The following C5orf58 variants were observed in gnomAD, a reference collection of about 807,000 sequenced individuals.
The protein encoded by C5orf58 is chromosome 5 open reading frame 58.
C5orf58 carries 2 observed loss-of-function variants against 2.9 expected under a neutral mutation model. The ratio of observed to expected loss-of-function variants is 0.69; its 90% CI spans 0.28 to 2.18. The LOEUF is 2.18. Ranked by LOEUF, C5orf58 falls within the 30% of genes most tolerant of loss-of-function variation. C5orf58 has a pLI of 0.13. For synonymous variants in C5orf58, 37 were observed against 33.4 expected, an observed-to-expected ratio of 1.11 and a Z score of -0.37; for missense variants, 96 against 91.7, an observed-to-expected ratio of 1.05 and a Z score of -0.19.
rs1018915263 is a variant in C5orf58 at position 170,246,043 on chromosome 5, G to A, written c.176G>A (p.Arg59Lys). 27 of 1,613,558 alleles carry A rather than the reference G, an allele frequency of 1.7e-5. No individual in the cohort carries two copies. Among genetic ancestry groups the A allele is most frequent in the Non-Finnish European group, 2.3e-5 (27 of 1,179,694 alleles). ...ACTGAGAACTTAGCAGAAGCAGAAAGAAACAACCCCCTCTTTGAAGAGTCT... is the reference window on the plus strand; with the variant it reads ...ACTGAGAACTTAGCAGAAGCAGAAAAAAACAACCCCCTCTTTGAAGAGTCT... ...IKTENLAEAERNNPLFEESKI... is the reference protein window; with the variant it reads ...IKTENLAEAEKNNPLFEESKI... The change falls in exon 4 of 4, where the codon AGA (arginine) becomes AAA (lysine). Residue 59 changes from arginine to lysine, a missense_variant. Transcript: ENST00000593851.
At chr5:170,235,301 T>G (rs1006436648) in intron 3 of C5orf58, among the ~76,000 whole-genome samples, 3 of 152,170 alleles carry the variant, frequency 2.0e-5, no homozygotes, top group Non-Finnish European at 4.4e-5. Flanking sequence ...GCTTATCAGG[T>G]TGTCTAACCT....
At chr5:170,247,043 T>C (rs1304579282), downstream of C5orf58, 1 of 152,166 alleles carries the variant, frequency 6.6e-6, no homozygotes, top group Non-Finnish European at 1.5e-5. Flanking sequence ...GGTCCTTCAT[T>C]TTAGATATTT....
downstream of C5orf58, among the ~76,000 whole-genome samples, chr5:170,249,261 G>T (rs937935105): frequency 5.3e-5 from 8 of 151,730 alleles, no homozygotes; most frequent in Non-Finnish European, 8.8e-5. Context: ...GGAGGCAGAG[G>T]TTGCAGTGAG....
chr5:170,247,584 G>C (rs1761326985), downstream of C5orf58: 1 of 152,208 alleles, frequency 6.6e-6, no homozygotes, highest in South Asian at 2.1e-4. Flanking sequence ...CTGAATACCA[G>C]TTTTTTAATC....
At chr5:170,248,639 T>C (rs974758005), downstream of C5orf58, 3 of 1,600,868 alleles carry the variant, frequency 1.9e-6, no homozygotes, top group Non-Finnish European at 8.5e-7. Context: ...CCAAGGCTGA[T>C]TGATCTCGTG....
At chr5:170,240,429 C>T (rs1408550713) in intron 3 of C5orf58, among the ~76,000 whole-genome samples, 1 of 150,110 alleles carries the variant, frequency 6.7e-6, no homozygotes, top group Non-Finnish European at 1.5e-5. Flanking sequence ...ACATCCTCTC[C>T]AGCACCTGTT....
chr5:170,233,036 A>T (rs771870288), intron 1 of C5orf58, 29 bp downstream of exon 1: 1 of 938,170 alleles, frequency 1.1e-6, no homozygotes, highest in Non-Finnish European at 1.3e-6. Flanking sequence ...TCGGTCTTGA[A>T]GGATCCTAAT....
chr5:170,234,045 C>T (rs2113079444), intron 1 of C5orf58, 70 bp from the exon 2 acceptor site: 4 of 883,544 alleles, frequency 4.5e-6, no homozygotes, highest in Non-Finnish European at 6.7e-6. Flanking sequence ...AGGCAGCTGA[C>T]ATCCTGGAGA....
intron 3 of C5orf58, among the ~76,000 whole-genome samples, chr5:170,241,355 A>G (rs974976229): frequency 1.3e-5 from 2 of 150,636 alleles, no homozygotes; most frequent in Non-Finnish European, 2.9e-5. Flanking sequence ...TGAATCTATA[A>G]ATTACCTTGG....
downstream of C5orf58, chr5:170,246,372 A>G (rs1031251448): frequency 4.9e-5 from 13 of 264,770 alleles, no homozygotes; most frequent in Non-Finnish European, 8.6e-5. Context: ...AGGTTGAAAG[A>G]GAGCTACTAA....
chr5:170,238,167 C>A (rs1054118422), intron 3 of C5orf58, among the ~76,000 whole-genome samples: 4 of 151,656 alleles, frequency 2.6e-5, no homozygotes, highest in African/African-American at 9.7e-5. Flanking sequence ...TATTAAAAAG[C>A]AGAGAAAAAA....
chr5:170,234,880 A>G, intron 2 of C5orf58, 97 bp from the exon 3 acceptor site: 1 of 548,860 alleles, frequency 1.8e-6, no homozygotes, highest in Non-Finnish European at 3.2e-6. Flanking sequence ...ATTATTTCTG[A>G]AATAACAGAT....
At chr5:170,251,659 T>C (rs2113148932) in exon 3 of C5orf58, 1 of 456,162 alleles carries the variant, frequency 2.2e-6, no homozygotes, top group Middle Eastern at 3.3e-4. Context: ...TAATTGAGCC[T>C]GTCAGAACAT....
downstream of C5orf58, chr5:170,252,421 T>G: frequency 6.8e-7 from 1 of 1,475,256 alleles, no homozygotes; most frequent in Non-Finnish European, 9.4e-7. Context: ...TAAAATAAAC[T>G]ATAGCACAAT....
intron 1 of C5orf58, chr5:170,233,667 C>T (rs919696066): frequency 5.9e-6 from 1 of 168,166 alleles, no homozygotes; most frequent in Non-Finnish European, 1.3e-5. Context: ...GTCTGGTCTC[C>T]GCTTCCCCAC....
chr5:170,252,454 C>T, downstream of C5orf58: 1 of 1,578,872 alleles, frequency 6.3e-7, no homozygotes, highest in East Asian at 2.2e-5. Flanking sequence ...TTTCTAAGAG[C>T]AGCTTCTGCC....
At chr5:170,251,420 C>A (rs1761440106) in intron 2 of C5orf58, 2 of 212,898 alleles carry the variant, frequency 9.4e-6, no homozygotes, top group Non-Finnish European at 2.0e-5. Flanking sequence ...CTTTTCTTTT[C>A]TTTTTTCTGA....
chr5:170,234,410 C>A (rs918506), intron 2 of C5orf58, among the ~76,000 whole-genome samples: 76,633 of 152,030 alleles, frequency 0.5, 19,385 homozygotes, highest in East Asian at 0.56. Context: ...CATAGGAATG[C>A]GTTGATTTAT....
chr5:170,241,352 A>G (rs200727576), intron 3 of C5orf58, among the ~76,000 whole-genome samples: 7,092 of 144,634 alleles, frequency 0.049, 352 homozygotes, highest in African/African-American at 0.17. Context: ...CATTGAATCT[A>G]TAAATTACCT....
Sources: allele counts gnomAD v4.1 joint callset (sites outside exome capture counted in the v4.1 genomes callset), GRCh38; gene constraint gnomAD v4.1.1; transcripts MANE v1.5; gene names NCBI Gene and HGNC (gene_info 2026-07-23, HGNC 2026-07-21).